The following PCBD2 variants were observed in gnomAD, a reference collection of about 807,000 sequenced individuals.
PCBD2 encodes the protein pterin-4-alpha-carbinolamine dehydratase 2.
In PCBD2, 12 loss-of-function variants were observed where a neutral mutation model predicts 16.4. That is an observed-to-expected ratio of 0.73 (90% CI 0.47 to 1.19). PCBD2 has a LOEUF of 1.19. Ranked by LOEUF, PCBD2 falls within the 50% of genes most tolerant of loss-of-function variation. The pLI is 0.00. For missense variants in PCBD2, 138 were observed against 156.8 expected, an observed-to-expected ratio of 0.88 and a Z score of 0.64; for synonymous variants, 58 against 61.8, an observed-to-expected ratio of 0.94 and a Z score of 0.29.
intron 2 of PCBD2, among the ~76,000 whole-genome samples, chr5:134,914,448 T>G (rs1218335583): frequency 6.6e-6 from 1 of 151,638 alleles, no homozygotes; most frequent in African/African-American, 2.4e-5. Context: ...ATTTTGTATG[T>G]TTTTTTTCCT....
At chr5:134,960,281 C>T (rs1236588575) in intron 3 of PCBD2, among the ~76,000 whole-genome samples, 1 of 152,080 alleles carries the variant, frequency 6.6e-6, no homozygotes, top group Non-Finnish European at 1.5e-5. Context: ...TCAATTGGAA[C>T]CTCAGTCTCT....
chr5:134,928,500 G>A (rs953904434), intron 2 of PCBD2: 5 of 302,094 alleles, frequency 1.7e-5, no homozygotes, highest in African/African-American at 8.7e-5. Flanking sequence ...TTAGTTGTTT[G>A]TAGGGCTCAT....
chr5:134,929,135 TC>T (rs1489730961), intron 2 of PCBD2, among the ~76,000 whole-genome samples: 5 of 152,086 alleles, frequency 3.3e-5, no homozygotes, highest in Admixed American at 3.3e-4. Flanking sequence ...CAGGACTTGG[TC>T]CATTTAGGGG....
chr5:134,934,645 A>T lies in PCBD2; in HGVS notation c.216+24179A>T, dbSNP rs1055788443. Among the ~76,000 whole-genome samples, 9 of 152,346 alleles carry T rather than the reference A, an allele frequency of 5.9e-5. No homozygotes were observed. The Middle Eastern group carries it at 0.014, about 230-fold the overall frequency. ...TTGAAGGCATAATATCCTTTAACCT[A>T]CAACTGCAGAGTTAAAATGAATTTT... On this transcript the variant is annotated intron_variant, in intron 2 of 3. Transcript: ENST00000254908.
intron 2 of PCBD2, among the ~76,000 whole-genome samples, chr5:134,950,395 G>A (rs999815156): frequency 6.6e-6 from 1 of 152,314 alleles, no homozygotes; most frequent in Admixed American, 6.5e-5. Context: ...TGTATTGTAA[G>A]TATGTGCTAG....
intron 2 of PCBD2, among the ~76,000 whole-genome samples, chr5:134,938,910 A>G (rs1313273488): frequency 3.3e-5 from 5 of 152,226 alleles, no homozygotes; most frequent in African/African-American, 4.8e-5. Flanking sequence ...TAATTTTTTA[A>G]GCTTTTAAAT....
chr5:134,937,821 A>G (rs1052659250), intron 2 of PCBD2, among the ~76,000 whole-genome samples: 1 of 152,266 alleles, frequency 6.6e-6, no homozygotes, highest in African/African-American at 2.4e-5. Flanking sequence ...ATCTGCCCTG[A>G]GAACCACTGG....
chr5:134,954,509 C>G (rs1047421217), intron 2 of PCBD2, among the ~76,000 whole-genome samples: 1 of 152,144 alleles, frequency 6.6e-6, no homozygotes, highest in Non-Finnish European at 1.5e-5. Context: ...CTCCATTCAT[C>G]TCTTAGTTAC....
chr5:134,914,511 C>A (rs1473693951), intron 2 of PCBD2, among the ~76,000 whole-genome samples: 1 of 151,706 alleles, frequency 6.6e-6, no homozygotes, highest in African/African-American at 2.4e-5. Context: ...TTGGGCTTAA[C>A]AAGGACTGAA....
chr5:134,959,873 T>C (rs549021049), intron 3 of PCBD2, among the ~76,000 whole-genome samples: 125 of 151,238 alleles, frequency 8.3e-4, no homozygotes, highest in African/African-American at 3.0e-3. Context: ...TTCCCTAATT[T>C]AGAAATGTGC....
intron 2 of PCBD2, among the ~76,000 whole-genome samples, chr5:134,941,965 CAAAA>C (rs758717376): frequency 7.4e-6 from 1 of 134,466 alleles, no homozygotes; most frequent in Non-Finnish European, 1.6e-5. Flanking sequence ...AAAAAAGTAC[CAAAA>C]AAAAAAAAAA....
chr5:134,933,968 C>G (rs1178332470), intron 2 of PCBD2, among the ~76,000 whole-genome samples: 7 of 152,096 alleles, frequency 4.6e-5, no homozygotes, highest in African/African-American at 1.7e-4. Flanking sequence ...AAATATTTCT[C>G]TTTTAGAGAG....
At chr5:134,935,660 T>C (rs917316494) in intron 2 of PCBD2, among the ~76,000 whole-genome samples, 1 of 152,236 alleles carries the variant, frequency 6.6e-6, no homozygotes, top group Non-Finnish European at 1.5e-5. Context: ...AAAATTTAGC[T>C]AGCAGTCCAG....
At chr5:134,906,519 C>G (rs1269722974) in intron 1 of PCBD2, among the ~76,000 whole-genome samples, 2 of 152,130 alleles carry the variant, frequency 1.3e-5, no homozygotes, top group African/African-American at 4.8e-5. Context: ...AAGATAGGCA[C>G]TCCGCCGCTT....
intron 2 of PCBD2, among the ~76,000 whole-genome samples, chr5:134,929,148 G>A (rs554510745): frequency 6.6e-6 from 1 of 152,090 alleles, no homozygotes; most frequent in Non-Finnish European, 1.5e-5. Flanking sequence ...ATTTAGGGGT[G>A]AGTTAGAAGA....
chr5:134,941,118 GAAAAAAAAAAA>G (rs764468793), intron 2 of PCBD2, among the ~76,000 whole-genome samples: 4 of 80,212 alleles, frequency 5.0e-5, no homozygotes, highest in Non-Finnish European at 9.9e-5. Flanking sequence ...CCATCTCAAG[GAAAAAAAAAAA>G]AAAAAAAAAA....
intron 2 of PCBD2, among the ~76,000 whole-genome samples, chr5:134,941,598 C>G (rs1272956963): frequency 6.6e-6 from 1 of 152,106 alleles, no homozygotes; most frequent in Non-Finnish European, 1.5e-5. Context: ...GAGACAGTTA[C>G]TCGCTGTATG....
At chr5:134,931,447 A>G (rs951739677) in intron 2 of PCBD2, among the ~76,000 whole-genome samples, 1 of 152,168 alleles carries the variant, frequency 6.6e-6, no homozygotes, top group African/African-American at 2.4e-5. Flanking sequence ...TTGAGTGTCT[A>G]TTGGGTATAG....
chr5:134,957,598 G>A (rs1280078160), intron 2 of PCBD2, among the ~76,000 whole-genome samples: 3 of 152,122 alleles, frequency 2.0e-5, no homozygotes, highest in African/African-American at 7.2e-5. Context: ...GTGATCCCTT[G>A]AGCTCAGGAG....
Sources: gnomAD v4.1 joint callset for allele counts (sites outside exome capture counted in the v4.1 genomes callset) on GRCh38, gnomAD v4.1.1 for gene constraint, MANE v1.5 for transcripts, NCBI Gene and HGNC (gene_info 2026-07-23, HGNC 2026-07-21) for gene names.